NSA2: variants seen among roughly 807,000 people sequenced by gnomAD.
The protein encoded by NSA2 is ribosome biogenesis protein NSA2 homolog.
A neutral mutation model predicts 34.8 loss-of-function variants in NSA2; 18 were observed. The ratio of observed to expected loss-of-function variants is 0.52; its 90% CI spans 0.36 to 0.77. NSA2 has a LOEUF of 0.77. Ranked by LOEUF, NSA2 falls within the 30% of genes least tolerant of loss-of-function variation. The pLI is 0.00. For synonymous variants in NSA2, 79 were observed against 100.2 expected (o/e 0.79, Z 1.26); for missense variants, 188 against 314.7 (o/e 0.60, Z 3.05).
rs941716579 is a variant in NSA2 at position 74,779,560 on chromosome 5, G to T, written c.*2889G>T. 4 of 151,276 alleles carry T rather than the reference G, an allele frequency of 2.6e-5. No homozygotes were observed. Among genetic ancestry groups the T allele is most frequent in the Non-Finnish European group, 5.9e-5 (4 of 67,880 alleles). 9.4% of individuals were successfully genotyped at this position (151,276 alleles called of 1,614,324 possible). ...ATTTCCCTTTGTGATATTGACAGAA[G>T]TTTCTCATAAAATGTATAAAACAGC... On this transcript the variant is annotated 3_prime_UTR_variant, in exon 6 of 6. Coordinates refer to ENST00000610426, the MANE Select transcript of NSA2 (RefSeq NM_014886.6).
chr5:74,767,388 G>A lies in NSA2; in HGVS notation c.3+25G>A, dbSNP rs778276331. On this transcript the variant is annotated intron_variant, in intron 1 of 5. Coordinates refer to ENST00000610426, the MANE Select transcript of NSA2 (RefSeq NM_014886.6). ...GGTAAGGAGGATGCCTCGGACGCTC[G>A]CGACACACAGCGTCTGAGTTAGTGG... 8.7e-6 allele frequency: 14 copies of A among 1,611,856 alleles called. No individual in the cohort carries two copies. In the African/African-American group the frequency reaches 1.6e-4, roughly 18 times the overall value.
intron 5 of NSA2, among the ~76,000 whole-genome samples, chr5:74,775,963 C>T (rs535341608): frequency 6.6e-6 from 1 of 152,270 alleles, no homozygotes; most frequent in Admixed American, 6.5e-5. Flanking sequence ...ACTTGAAACT[C>T]ATTTGAAACT....
chr5:74,772,530 C>A (rs960464977), intron 4 of NSA2, among the ~76,000 whole-genome samples: 2 of 152,154 alleles, frequency 1.3e-5, no homozygotes, highest in African/African-American at 2.4e-5. Context: ...ATAACCCCTA[C>A]CCCTAGAATT....
Position 74,776,660 on chromosome 5 carries a change from T to A in NSA2, c.772T>A (p.Leu258Ile). Reference sequence around the variant, plus strand: ...AAATGATGGATGTATAAATGCAGTCTTACTGGTTTGACAGCAATTTCATAT... The same window carrying A: ...AAATGATGGATGTATAAATGCAGTCATACTGGTTTGACAGCAATTTCATAT... The part of the protein sequence containing the change: ...PENDGCINAV[L>I]LV Residue 258 changes from leucine (L) to isoleucine (I), a missense_variant, in exon 6 of 6, where the codon TTA becomes ATA. Coordinates refer to ENST00000610426, the MANE Select transcript of NSA2 (RefSeq NM_014886.6). 1 of 1,565,210 alleles carries A rather than the reference T, an allele frequency of 6.4e-7. No homozygotes were observed.
chr5:74,773,290 G>C (rs966710699), intron 4 of NSA2, among the ~76,000 whole-genome samples: 3 of 150,514 alleles, frequency 2.0e-5, no homozygotes, highest in Non-Finnish European at 4.4e-5. Context: ...TAGATGACTA[G>C]ACAGTAAAAA....
At chr5:74,774,724 A>G (rs909043878) in intron 5 of NSA2, among the ~76,000 whole-genome samples, 1 of 151,902 alleles carries the variant, frequency 6.6e-6, no homozygotes, top group African/African-American at 2.4e-5. Flanking sequence ...GAAGGGAGGC[A>G]TATATCAAAC....
chr5:74,769,459 A>G (rs1580051277), intron 3 of NSA2, 95 bp downstream of exon 3: 1 of 1,014,150 alleles, frequency 9.9e-7, no homozygotes, highest in East Asian at 2.6e-5. Context: ...TCAAACATGA[A>G]GTACAGCTAT....
chr5:74,775,201 G>GC (rs1330372972), intron 5 of NSA2, among the ~76,000 whole-genome samples: 1 of 152,194 alleles, frequency 6.6e-6, no homozygotes, highest in Non-Finnish European at 1.5e-5. Context: ...GGATGACAGA[G>GC]CGAGACTCTG....
intron 5 of NSA2, among the ~76,000 whole-genome samples, chr5:74,775,601 C>G (rs1356915593): frequency 2.0e-5 from 3 of 151,798 alleles, no homozygotes; most frequent in Non-Finnish European, 4.4e-5. Context: ...CAGAGCAAGC[C>G]TCCATCTCAA....
rs1745213978 is a variant in NSA2, at chr5:74,778,116, TG to T, written c.*1446del. 6.6e-6 allele frequency: 1 copy of T among 152,060 alleles called. No individual in the cohort carries two copies. The highest frequency in any genetic ancestry group is 2.4e-5 in the African/African-American group (1 of 41,442). The allele number at this position is 152,060 out of a possible 1,614,324, so 9.4% of individuals were successfully genotyped here. On this transcript the variant is annotated 3_prime_UTR_variant, in exon 6 of 6. Coordinates refer to ENST00000610426, the MANE Select transcript of NSA2 (RefSeq NM_014886.6). ...GGATACTACAAAAATGAAGTTTGCTTGTTTTTTTTAGAACCAAAAATACTAT... is the reference window on the plus strand; with the variant it reads ...GGATACTACAAAAATGAAGTTTGCTTTTTTTTTTAGAACCAAAAATACTAT...
At position 74,776,900 on chromosome 5, in the gene NSA2, C is replaced by T. The variant is rs1213164191; in HGVS notation, c.*229C>T. On this transcript the variant is annotated 3_prime_UTR_variant, in exon 6 of 6. Transcript: ENST00000610426. Reference sequence around the variant, plus strand: ...TGAAAAAAAGCAAATATACAAATATCCTACTTCATCAATATCTGCATTTGT... The same window carrying T: ...TGAAAAAAAGCAAATATACAAATATTCTACTTCATCAATATCTGCATTTGT... 1.7e-5 allele frequency: 6 copies of T among 344,082 alleles called. No individual in the cohort carries two copies. Among genetic ancestry groups the T allele is most frequent in the Admixed American group, 1.4e-4 (3 of 21,392 alleles). 21.3% of individuals were successfully genotyped at this position (344,082 alleles called of 1,614,324 possible).
At position 74,776,922 on chromosome 5, in the gene NSA2, TTG is replaced by T. The variant is rs1745150537; in HGVS notation, c.*254_*255del. 3.5e-6 allele frequency: 1 copy of T among 285,604 alleles called. No individual in the cohort carries two copies. Among genetic ancestry groups the T allele is most frequent in the African/African-American group, 2.2e-5 (1 of 45,682 alleles). The allele number at this position is 285,604 out of a possible 1,614,324, so 17.7% of individuals were successfully genotyped here. A position where few individuals can be genotyped will look rare whatever the true frequency, so the allele number is the denominator to read the frequency against. On this transcript the variant is annotated 3_prime_UTR_variant, in exon 6 of 6. Transcript: ENST00000610426. ...TATCCTACTTCATCAATATCTGCAT[TTG>T]TGAGTGGGTATTCAGCAATTTCCTG...
intron 5 of NSA2, among the ~76,000 whole-genome samples, 177 bp downstream of exon 5, chr5:74,774,237 TA>T (rs1338674199): frequency 6.6e-6 from 1 of 152,220 alleles, no homozygotes; most frequent in Non-Finnish European, 1.5e-5. Context: ...TTGTTATAAA[TA>T]CAATTGTTTT....
In NSA2 at chr5:74,767,284, G is replaced by A. The variant is rs1744701082; in HGVS notation, c.-77G>A. On this transcript the variant is annotated 5_prime_UTR_variant, in exon 1 of 6. It adds an upstream start codon to the 5' untranslated region. Coordinates refer to ENST00000610426, the MANE Select transcript of NSA2 (RefSeq NM_014886.6). ...GTCCCGGCCTGCGTGGTGTGGGCTTGTGGGTCTTTGAGACCCGAAAATTGA... is the reference window on the plus strand; with the variant it reads ...GTCCCGGCCTGCGTGGTGTGGGCTTATGGGTCTTTGAGACCCGAAAATTGA... 1.9e-6 allele frequency: 3 copies of A among 1,587,308 alleles called. No individual in the cohort carries two copies. Among genetic ancestry groups the A allele is most frequent in the Non-Finnish European group, 2.6e-6 (3 of 1,156,872 alleles).
chr5:74,771,296 C>G (rs1320153246), intron 4 of NSA2, among the ~76,000 whole-genome samples: 1 of 151,460 alleles, frequency 6.6e-6, no homozygotes, highest in African/African-American at 2.4e-5. Context: ...AAAAAAAAAT[C>G]TTTTCAGCTT....
At chr5:74,768,600 CTT>C (rs1744799522) in intron 1 of NSA2, among the ~76,000 whole-genome samples, 1 of 152,086 alleles carries the variant, frequency 6.6e-6, no homozygotes, top group South Asian at 2.1e-4. Context: ...ATAAAACTGA[CTT>C]AAATTTTTTA....
chr5:74,767,455 G>A (rs2112403468), intron 1 of NSA2, 92 bp downstream of exon 1: 5 of 1,503,448 alleles, frequency 3.3e-6, no homozygotes, highest in Non-Finnish European at 4.6e-6. Context: ...GGTGAGCGGT[G>A]GTAGGCGGAA....
At chr5:74,768,224 C>A (rs1414441251) in intron 1 of NSA2, among the ~76,000 whole-genome samples, 1 of 152,186 alleles carries the variant, frequency 6.6e-6, no homozygotes, top group East Asian at 1.9e-4. Flanking sequence ...ACCCTGATAC[C>A]TATCATCTGG....
intron 4 of NSA2, chr5:74,771,458 C>G (rs1436559965): frequency 6.6e-6 from 1 of 152,148 alleles, no homozygotes; most frequent in Non-Finnish European, 1.5e-5. Flanking sequence ...GGTCTCAAAA[C>G]ACTTCTTGTC....
Sources: allele counts gnomAD v4.1 joint callset (sites outside exome capture counted in the v4.1 genomes callset), GRCh38; gene constraint gnomAD v4.1.1; transcripts MANE v1.5; gene names NCBI Gene and HGNC (gene_info 2026-07-23, HGNC 2026-07-21).